Variants in LMO3 observed in about 807,000 individuals in gnomAD.
LMO3 encodes the protein LIM domain only protein 3.
LMO3 carries 2 observed loss-of-function variants against 15.8 expected under a neutral mutation model. The ratio of observed to expected loss-of-function variants is 0.13; its 90% CI spans 0.05 to 0.40. LMO3 has a LOEUF of 0.40. Among genes scored for constraint, LMO3 ranks in the 10% least tolerant of loss-of-function variants. LMO3 has a pLI of 0.99. For synonymous variants in LMO3, 62 were observed against 63.8 expected, an observed-to-expected ratio of 0.97 and a Z score of 0.13; for missense variants, 86 against 182.2, an observed-to-expected ratio of 0.47 and a Z score of 3.04.
At chr12:16,607,826 G>A (rs1462267926), upstream of LMO3, 2 of 150,714 alleles carry the variant, frequency 1.3e-5, no homozygotes, top group Non-Finnish European at 2.9e-5. Context: ...AAGAATAAAG[G>A]CACAACATTG....
intron 2 of LMO3, among the ~76,000 whole-genome samples, chr12:16,590,612 A>C (rs1243833085): frequency 6.6e-6 from 1 of 151,998 alleles, no homozygotes; most frequent in Admixed American, 6.6e-5. Flanking sequence ...TTAAAAAAAA[A>C]AATCGGTATC....
rs576809201 is a variant in LMO3, at chr12:16,603,261, A to T, written c.-8-2393T>A. Among the ~76,000 whole-genome samples, 45 of 152,216 alleles carry T rather than the reference A, an allele frequency of 3.0e-4. No homozygotes were observed. The highest frequency in any genetic ancestry group is 9.6e-4 in the African/African-American group (40 of 41,526). ...GCATAAAAGGAGTTTGATATTTCAC[A>T]CTCCATCCTGGTACCTTATTTGAAG... On this transcript the variant is annotated intron_variant, in intron 1 of 3. Transcript: ENST00000537304. This position sits in a 1 kb window ranked among gnomAD's most constrained non-coding sequence, Gnocchi z 4.9.
rs969049972 is a variant in LMO3 at position 16,582,930 on chromosome 12, C to T, written c.206+17725G>A. Reference sequence around the variant, plus strand: ...GGAGTGGTGGCATGCACCTGTAATCCCAGCTACTCAGGAGGCTAATGCAGG... The same window carrying T: ...GGAGTGGTGGCATGCACCTGTAATCTCAGCTACTCAGGAGGCTAATGCAGG... On this transcript the variant is annotated intron_variant, in intron 2 of 3. Transcript: ENST00000537304. This position sits in a 1 kb window ranked among gnomAD's most constrained non-coding sequence, Gnocchi z 4.1. Among the ~76,000 whole-genome samples the T allele has an allele frequency of 2.0e-5, 3 of 151,756 alleles. No individual in the cohort carries two copies. The highest frequency in any genetic ancestry group is 7.3e-5 in the African/African-American group (3 of 41,288).
Position 16,552,493 on chromosome 12 carries a change from T to C in LMO3, c.333-1166A>G, listed in dbSNP as rs114588613. On this transcript the variant is annotated intron_variant, in intron 3 of 3. Coordinates refer to ENST00000537304, the MANE Select transcript of LMO3 (RefSeq NM_018640.5). ...TTGGACTGATTTACATTTGCAAAGA[T>C]TGGAATGCTAGACAAACAGTGAACC... Among the ~76,000 whole-genome samples, 496 of 152,134 alleles carry C rather than the reference T, an allele frequency of 3.3e-3. 1 individual carries two copies. Among genetic ancestry groups the C allele is most frequent in the African/African-American group, 0.011 (471 of 41,536 alleles).
intron 2 of LMO3, among the ~76,000 whole-genome samples, chr12:16,580,238 C>G (rs953259840): frequency 6.6e-6 from 1 of 152,162 alleles, no homozygotes; most frequent in African/African-American, 2.4e-5. Flanking sequence ...GTAGCTTAGA[C>G]TACAGGTGCA....
Position 16,579,126 on chromosome 12 carries a change from A to G in LMO3, c.207-18588T>C, listed in dbSNP as rs141752558. ...ATAAAGGTCATAAACTTCCACAGGG[A>G]TTTTTTTTTGAAGAGAACAACATGT... On this transcript the variant is annotated intron_variant, in intron 2 of 3. Transcript: ENST00000537304. Among the ~76,000 whole-genome samples the G allele has an allele frequency of 2.7e-4, 41 of 151,524 alleles. No homozygotes were observed. The East Asian group carries it at 8.0e-3, about 29-fold the overall frequency.
chr12:16,552,410 G>T (rs1942024156), intron 3 of LMO3, among the ~76,000 whole-genome samples: 1 of 152,004 alleles, frequency 6.6e-6, no homozygotes, highest in Admixed American at 6.6e-5. Flanking sequence ...AGATTAAATT[G>T]TGTAGTGAAA....
chr12:16,605,238 A>G, intron 1 of LMO3: 1 of 1,290,530 alleles, frequency 7.7e-7, no homozygotes, highest in Non-Finnish European at 9.9e-7. Context: ...ATTTGATTAA[A>G]CTGTCACATG....
intron 2 of LMO3, among the ~76,000 whole-genome samples, chr12:16,581,804 G>C (rs770711364): frequency 1.3e-5 from 2 of 151,648 alleles, no homozygotes; most frequent in African/African-American, 4.8e-5. Flanking sequence ...TTTAATAATT[G>C]TATTACTACT....
At chr12:16,608,180 C>G (rs1028479099), upstream of LMO3, 1 of 140,552 alleles carries the variant, frequency 7.1e-6, no homozygotes, top group Non-Finnish European at 1.6e-5. This position sits in a 1 kb window ranked among gnomAD's most constrained non-coding sequence, Gnocchi z 4.1. Flanking sequence ...GTGTGTGTCT[C>G]GTGCGCTCTG....
rs1943734117 is a variant in LMO3 at position 16,598,749 on chromosome 12, T to A, written c.206+1906A>T. The A allele has an allele frequency of 6.4e-6, 1 of 155,644 alleles. No homozygotes were observed. The highest frequency in any genetic ancestry group is 2.4e-5 in the African/African-American group (1 of 41,574). The allele number at this position is 155,644 out of a possible 1,614,324, so 9.6% of individuals were successfully genotyped here. A position where few individuals can be genotyped will look rare whatever the true frequency, so the allele number is the denominator to read the frequency against. On this transcript the variant is annotated intron_variant, in intron 2 of 3. Transcript: ENST00000537304. The surrounding 1 kb of genome is among the most constrained non-coding windows in gnomAD (Gnocchi z 4.3). Reference sequence around the variant, plus strand: ...AAAACAAATCTAAGATTACTGTCTTTGCTCGATGCTATGTTGACAGCTAAG... The same window carrying A: ...AAAACAAATCTAAGATTACTGTCTTAGCTCGATGCTATGTTGACAGCTAAG...
intron 2 of LMO3, among the ~76,000 whole-genome samples, chr12:16,580,345 A>G (rs1943120892): frequency 1.3e-5 from 2 of 152,220 alleles, no homozygotes; most frequent in African/African-American, 4.8e-5. Context: ...GAGCAAAGAC[A>G]CCACAAGGAT....
chr12:16,604,828 G>C lies in LMO3; in HGVS notation c.-9+1238C>G, dbSNP rs772029071. ...TTTTGAGCGGCCAGGAGTGCAGAGC[G>C]CCAGCAAAGTGCATCTATGATAGAC... On this transcript the variant is annotated intron_variant, in intron 1 of 3. Coordinates refer to ENST00000537304, the MANE Select transcript of LMO3 (RefSeq NM_018640.5). This position sits in a 1 kb window ranked among gnomAD's most constrained non-coding sequence, Gnocchi z 5.3. 1.3e-6 allele frequency: 2 copies of C among 1,596,608 alleles called. No individual in the cohort carries two copies. The highest frequency in any genetic ancestry group is 3.3e-5 in the Admixed American group (2 of 60,008).
chr12:16,605,936 C>T lies in LMO3; in HGVS notation c.-9+130G>A, dbSNP rs559376274. The T allele has an allele frequency of 2.1e-4, 215 of 1,045,826 alleles. 2 individuals are homozygous for T. The highest frequency in any genetic ancestry group is 1.8e-3 in the South Asian group (125 of 70,846). The allele number at this position is 1,045,826 out of a possible 1,614,324, so 64.8% of individuals were successfully genotyped here. On this transcript the variant is annotated intron_variant, in intron 1 of 3. Transcript: ENST00000537304. ...GTTGCAGTGCGGAGCTGGGTTGCAG[C>T]TCCAGTTTATGCCTCATTAGCAGAG...
At chr12:16,563,382 C>G (rs1487146871) in intron 2 of LMO3, among the ~76,000 whole-genome samples, 1 of 152,092 alleles carries the variant, frequency 6.6e-6, no homozygotes, top group Non-Finnish European at 1.5e-5. Context: ...ATGGGATTTT[C>G]AAATGTATAA....
intron 2 of LMO3, among the ~76,000 whole-genome samples, chr12:16,561,982 T>TA (rs1342668076): frequency 1.3e-5 from 2 of 152,216 alleles, no homozygotes; most frequent in Admixed American, 1.3e-4. Flanking sequence ...CTTAATGAAT[T>TA]AAAAAATACT....
At position 16,585,020 on chromosome 12, in the gene LMO3, T is replaced by G. The variant is rs1591812155; in HGVS notation, c.206+15635A>C. The stretch of plus-strand genomic sequence containing the variant: ...ATTAGAGTTAGTTGCCAATGTCTTA[T>G]ATACAAGAGATTTTACTGAAATATC... On this transcript the variant is annotated intron_variant, in intron 2 of 3. Transcript: ENST00000537304. The surrounding 1 kb of genome is among the most constrained non-coding windows in gnomAD (Gnocchi z 4.7). Among the ~76,000 whole-genome samples the G allele has an allele frequency of 6.6e-6, 1 of 152,244 alleles. No homozygotes were observed. The highest frequency in any genetic ancestry group is 6.5e-5 in the Admixed American group (1 of 15,282).
chr12:16,583,624 T>C (rs1303753733), intron 2 of LMO3, among the ~76,000 whole-genome samples: 2 of 152,198 alleles, frequency 1.3e-5, no homozygotes, highest in Non-Finnish European at 2.9e-5. Flanking sequence ...AGAGGCTGAT[T>C]TATATCAAAC....
At chr12:16,600,388 C>T in intron 2 of LMO3, 1 of 326,948 alleles carries the variant, frequency 3.1e-6, no homozygotes, top group Non-Finnish European at 5.6e-6. Flanking sequence ...CATTAACTGG[C>T]AGTTTCAACA....
Sources: allele counts gnomAD v4.1 joint callset (sites outside exome capture counted in the v4.1 genomes callset), GRCh38; gene constraint gnomAD v4.1.1; non-coding constraint Gnocchi (gnomAD v3.1); transcripts MANE v1.5; gene names NCBI Gene and HGNC (gene_info 2026-07-23, HGNC 2026-07-21).